Variants in GPLD1 observed in about 807,000 individuals in gnomAD.
The protein encoded by GPLD1 is phosphatidylinositol-glycan-specific phospholipase D.
In GPLD1, 84 loss-of-function variants were observed where a neutral mutation model predicts 112.6. The ratio of observed to expected loss-of-function variants is 0.75; its 90% CI spans 0.63 to 0.89. The LOEUF (loss-of-function observed/expected upper bound fraction) is 0.89, where lower values mean the gene tolerates loss of function less well. Among genes scored for constraint, GPLD1 ranks in the 40% least tolerant of loss-of-function variants. The pLI is 0.00. For missense variants in GPLD1, 1,044 were observed against 1,051.5 expected (o/e 0.99, Z 0.10); for synonymous variants, 386 against 403.8 (o/e 0.96, Z 0.53).
intron 11 of GPLD1, 96 bp downstream of exon 11, chr6:24,462,634 G>A (rs1763473275): frequency 1.3e-6 from 1 of 761,966 alleles, no homozygotes; most frequent in Admixed American, 2.1e-5. Flanking sequence ...TGAACCTACA[G>A]CTGTCTCTCA....
intron 8 of GPLD1, 58 bp from the exon 9 acceptor site, chr6:24,466,997 C>T (rs2127354696): frequency 2.1e-6 from 3 of 1,450,654 alleles, no homozygotes; most frequent in Middle Eastern, 3.6e-4. Flanking sequence ...AGAAATGAAG[C>T]AAATAATGAA....
intron 22 of GPLD1, among the ~76,000 whole-genome samples, chr6:24,433,812 G>C (rs1329873770): frequency 6.6e-6 from 1 of 152,064 alleles, no homozygotes; most frequent in East Asian, 1.9e-4. Context: ...TACATTTCTT[G>C]ATTAGCCTTA....
chr6:24,425,039 CT>C (rs1204683069), downstream of GPLD1: 1 of 152,250 alleles, frequency 6.6e-6, no homozygotes, highest in Non-Finnish European at 1.5e-5. Flanking sequence ...GCAGTGGCCC[CT>C]GTGCCACCAC....
chr6:24,429,112 CT>C lies in GPLD1; in HGVS notation c.2442del (p.Val815SerfsTer47), dbSNP rs573778305. On this transcript the variant is annotated frameshift_variant, in exon 25 of 25. Coordinates refer to ENST00000230036, the MANE Select transcript of GPLD1 (RefSeq NM_001503.4). LOFTEE classifies it high-confidence loss of function. ...LITVRSKAKN[Q>X]VVIAAGRSSL... ...GAACTCCTTCCAGCAGCAATGACGA[CT>C]TGGTTCTGTAAGGGACACAAGACAG... 4.1e-3 allele frequency: 6,668 copies of C among 1,611,400 alleles called. 40 individuals are homozygous for C. Among genetic ancestry groups the C allele is most frequent in the Non-Finnish European group, 4.2e-3 (4,889 of 1,177,596 alleles).
chr6:24,464,819 G>A (rs1482938853), intron 10 of GPLD1, among the ~76,000 whole-genome samples: 1 of 152,192 alleles, frequency 6.6e-6, no homozygotes, highest in African/African-American at 2.4e-5. Context: ...GCTGCCCTGT[G>A]CTTCCTAGCC....
At chr6:24,442,767 G>A (rs1762790097) in intron 20 of GPLD1, among the ~76,000 whole-genome samples, 1 of 151,480 alleles carries the variant, frequency 6.6e-6, no homozygotes, top group Non-Finnish European at 1.5e-5. Context: ...TTTTTGTAGA[G>A]ACAGGGTCTC....
In GPLD1 at chr6:24,473,633, G is replaced by A. The variant is rs146221974; in HGVS notation, c.476C>T (p.Ser159Leu). The A allele has an allele frequency of 6.0e-5, 97 of 1,606,860 alleles. 1 individual carries two copies. The highest frequency in any genetic ancestry group is 1.3e-4 in the Admixed American group (8 of 59,964). ...DFHGSYSEAH[S>L]AGDFGGDVLS... ...ATAAACAGTACCAAAATCACCAGCCGAATGAGCCTCTGAATAGGAGCCGTG... is the reference window on the plus strand; with the variant it reads ...ATAAACAGTACCAAAATCACCAGCCAAATGAGCCTCTGAATAGGAGCCGTG... Residue 159 changes from serine (S) to leucine (L), a missense_variant, in exon 6 of 25, where the codon TCG becomes TTG. Physicochemically the swap from Ser to Leu is moderately radical, Grantham distance 145 (BLOSUM62 -2). Transcript: ENST00000230036.
At chr6:24,437,062 C>G (rs773875614) in intron 21 of GPLD1, 51 bp downstream of exon 21, 1 of 1,535,502 alleles carries the variant, frequency 6.5e-7, no homozygotes, top group Non-Finnish European at 9.0e-7. Flanking sequence ...GGGACCCACC[C>G]CCTGGGCAAA....
At chr6:24,494,952 C>T in intron 1 of GPLD1, 1 of 1,284,524 alleles carries the variant, frequency 7.8e-7, no homozygotes, top group South Asian at 3.2e-5. Flanking sequence ...TTCCCGTGCG[C>T]GCGCGCCCGC....
intron 22 of GPLD1, 58 bp from the exon 23 acceptor site, chr6:24,433,447 A>G: frequency 8.3e-7 from 1 of 1,203,040 alleles, no homozygotes; most frequent in Admixed American, 1.7e-5. Context: ...GGCTTTTTAA[A>G]ATCAATTTTA....
Position 24,436,578 on chromosome 6 carries a change from T to C in GPLD1, c.2356A>G (p.Lys786Glu), listed in dbSNP as rs750280251. ...KSWITPCPEE[K>E]AQYVLISPEA... is the part of the protein sequence containing the mutation. ...ATAGAATTTTGTAGAACACTTACCT[T>C]TTCTTCTGGACATGGAGTTATCCAT... Residue 786 changes from lysine (K) to glutamate (E), a missense_variant and splice_region_variant, in exon 22 of 25, where the codon AAG becomes GAG. Transcript: ENST00000230036. The C allele has an allele frequency of 1.9e-6, 3 of 1,613,286 alleles. No homozygotes were observed. The highest frequency in any genetic ancestry group is 1.1e-5 in the South Asian group (1 of 90,954).
chr6:24,456,704 G>T, intron 12 of GPLD1, 67 bp from the exon 13 acceptor site: 8 of 1,092,346 alleles, frequency 7.3e-6, no homozygotes, highest in Non-Finnish European at 1.1e-5. Flanking sequence ...ACTGTTTCCT[G>T]TCCAAAGTAT....
chr6:24,458,099 GATCC>G (rs1280873538), intron 12 of GPLD1, among the ~76,000 whole-genome samples: 2 of 151,018 alleles, frequency 1.3e-5, no homozygotes, highest in African/African-American at 4.9e-5. Context: ...CCAGATACTA[GATCC>G]ATCCAAGTTA....
chr6:24,462,816 G>A, intron 10 of GPLD1, 21 bp from the exon 11 acceptor site: 1 of 1,565,736 alleles, frequency 6.4e-7, no homozygotes. Flanking sequence ...AGTCAAATGA[G>A]TTAGCCATTT....
intron 10 of GPLD1, among the ~76,000 whole-genome samples, chr6:24,463,776 A>G (rs1474488490): frequency 6.6e-6 from 1 of 152,140 alleles, no homozygotes; most frequent in Admixed American, 6.6e-5. Flanking sequence ...GAACATATTT[A>G]TGTTTTCCTT....
intron 1 of GPLD1, among the ~76,000 whole-genome samples, chr6:24,488,130 A>G (rs1309868343): frequency 6.6e-6 from 1 of 152,202 alleles, no homozygotes; most frequent in Non-Finnish European, 1.5e-5. Flanking sequence ...AACTCAGGCC[A>G]GGCGCGATGG....
intron 2 of GPLD1, among the ~76,000 whole-genome samples, chr6:24,483,013 C>T (rs1217321944): frequency 2.0e-5 from 3 of 152,026 alleles, no homozygotes; most frequent in Admixed American, 1.3e-4. Context: ...CCAAAAGGAA[C>T]AGATCAATGA....
chr6:24,472,655 A>G lies in GPLD1; in HGVS notation c.491-19T>C, dbSNP rs766230677. On this transcript the variant is annotated intron_variant, in intron 6 of 24. Transcript: ENST00000230036. Reference sequence around the variant, plus strand: ...TCTCCTCCTAGGGTATGAGAAAAATATTGACATTTGGTGGATTAGTGACAA... The same window carrying G: ...TCTCCTCCTAGGGTATGAGAAAAATGTTGACATTTGGTGGATTAGTGACAA... 9 of 1,470,644 alleles carry G rather than the reference A, an allele frequency of 6.1e-6. No homozygotes were observed. The African/African-American group carries it at 1.2e-4, about 20-fold the overall frequency. 91.1% of individuals were successfully genotyped at this position (1,470,644 alleles called of 1,614,324 possible).
In GPLD1 at chr6:24,464,739, A is replaced by C. The variant is rs546288580; in HGVS notation, c.821+1941T>G. ...AGTCTCCCAGGCACAGGTCCCGCCC[A>C]GAGAACCCTCTTTCCCACTGCTGGT... is the stretch of plus-strand genomic sequence containing the variant. On this transcript the variant is annotated intron_variant, in intron 10 of 24. Coordinates refer to ENST00000230036, the MANE Select transcript of GPLD1 (RefSeq NM_001503.4). Among the ~76,000 whole-genome samples the C allele has an allele frequency of 3.9e-5, 6 of 152,312 alleles. No individual in the cohort carries two copies. The East Asian group carries it at 7.7e-4, about 20-fold the overall frequency.
Sources: allele counts gnomAD v4.1 joint callset (sites outside exome capture counted in the v4.1 genomes callset), GRCh38; gene constraint gnomAD v4.1.1; transcripts MANE v1.5; gene names NCBI Gene and HGNC (gene_info 2026-07-23, HGNC 2026-07-21).